The following SEPTIN2 variants were observed in gnomAD, a reference collection of about 807,000 sequenced individuals.
The protein encoded by SEPTIN2 is septin 2.
Under a neutral mutation model 46.5 loss-of-function variants are expected in SEPTIN2, and 34 were observed. The observed-to-expected ratio is 0.73, with a 90% CI of 0.56 to 0.97. SEPTIN2 has a LOEUF of 0.97. Among genes scored for constraint, SEPTIN2 ranks in the 50% least tolerant of loss-of-function variants. SEPTIN2 has a pLI of 0.00. For missense variants in SEPTIN2, 347 were observed against 448.4 expected (o/e 0.77, Z 2.04); for synonymous variants, 175 against 153.4 (o/e 1.14, Z -1.04).
At chr2:241,341,432 AAGCTCCATCTTTAT>A (rs2081249499) in intron 7 of SEPTIN2, among the ~76,000 whole-genome samples, 1 of 152,196 alleles carries the variant, frequency 6.6e-6, no homozygotes, top group African/African-American at 2.4e-5. Context: ...TCCAAAGTGT[AAGCTCCATCTTTAT>A]GAGGCCAGCA....
chr2:241,345,069 C>T (rs543993531), intron 9 of SEPTIN2, among the ~76,000 whole-genome samples: 2 of 151,842 alleles, frequency 1.3e-5, no homozygotes, highest in East Asian at 1.9e-4. Flanking sequence ...GCCGGGATTG[C>T]GCCACTGCAC....
intron 11 of SEPTIN2, among the ~76,000 whole-genome samples, chr2:241,349,052 A>G (rs1398861583): frequency 1.3e-5 from 2 of 152,188 alleles, no homozygotes; most frequent in Non-Finnish European, 2.9e-5. Flanking sequence ...GATAAGGATA[A>G]AGATGAATTA....
chr2:241,332,140 T>A (rs946647647), intron 3 of SEPTIN2, among the ~76,000 whole-genome samples: 4 of 149,674 alleles, frequency 2.7e-5, no homozygotes, highest in Non-Finnish European at 6.0e-5. Context: ...TATGACTTTG[T>A]AGTAAGCAGA....
chr2:241,334,481 G>A (rs924430358), intron 3 of SEPTIN2, among the ~76,000 whole-genome samples: 4 of 152,234 alleles, frequency 2.6e-5, no homozygotes, highest in African/African-American at 9.6e-5. Flanking sequence ...ACATGGATAT[G>A]TGTCACCTGA....
intron 9 of SEPTIN2, among the ~76,000 whole-genome samples, chr2:241,345,519 G>A (rs2081898264): frequency 6.6e-6 from 1 of 152,156 alleles, no homozygotes. Flanking sequence ...CATTTCCCTG[G>A]ATCCTGAATC....
chr2:241,347,419 G>C (rs1575393551), intron 10 of SEPTIN2, among the ~76,000 whole-genome samples: 1 of 152,346 alleles, frequency 6.6e-6, no homozygotes, highest in East Asian at 1.9e-4. Flanking sequence ...AAGCTGAGTA[G>C]GCGCTGGCCC....
At chr2:241,326,877 C>G (rs1186293068) in intron 3 of SEPTIN2, among the ~76,000 whole-genome samples, 3 of 152,006 alleles carry the variant, frequency 2.0e-5, no homozygotes, top group Admixed American at 6.6e-5. Context: ...AGTTGAAGAT[C>G]AGGCTGGGCA....
At chr2:241,331,877 CAG>C (rs2079064926) in intron 3 of SEPTIN2, among the ~76,000 whole-genome samples, 1 of 152,164 alleles carries the variant, frequency 6.6e-6, no homozygotes, top group African/African-American at 2.4e-5. Flanking sequence ...ATCTACTAAA[CAG>C]AGCAACAGCC....
chr2:241,320,244 A>G (rs560432958), intron 1 of SEPTIN2: 21 of 471,206 alleles, frequency 4.5e-5, no homozygotes, highest in South Asian at 2.5e-4. Context: ...GTCCAAGGTT[A>G]GATGGAGTTC....
intron 3 of SEPTIN2, among the ~76,000 whole-genome samples, chr2:241,333,377 A>T (rs531580180): frequency 6.6e-6 from 1 of 152,318 alleles, no homozygotes; most frequent in East Asian, 1.9e-4. Context: ...ACTTAATGGG[A>T]TAACAGGCAT....
At chr2:241,344,118 G>A (rs1412118060) in intron 9 of SEPTIN2, among the ~76,000 whole-genome samples, 2 of 152,148 alleles carry the variant, frequency 1.3e-5, no homozygotes, top group African/African-American at 4.8e-5. Context: ...GCTTCTGCCT[G>A]TGGCCTGTAG....
chr2:241,340,427 A>G (rs1336963179), intron 7 of SEPTIN2, among the ~76,000 whole-genome samples: 1 of 152,200 alleles, frequency 6.6e-6, no homozygotes, highest in Non-Finnish European at 1.5e-5. Flanking sequence ...TTTTTTCCAA[A>G]GCAATTTTTA....
intron 7 of SEPTIN2, among the ~76,000 whole-genome samples, chr2:241,339,390 A>G (rs1353462307): frequency 6.6e-6 from 1 of 151,928 alleles, no homozygotes. Context: ...AAAAAAAAGA[A>G]TTTCTGTAAT....
At chr2:241,332,190 G>T (rs2079106619) in intron 3 of SEPTIN2, among the ~76,000 whole-genome samples, 1 of 152,170 alleles carries the variant, frequency 6.6e-6, no homozygotes, top group African/African-American at 2.4e-5. Context: ...AAAAACAATT[G>T]TGCATTATTA....
At chr2:241,340,219 G>C (rs2081072301) in intron 7 of SEPTIN2, among the ~76,000 whole-genome samples, 1 of 152,304 alleles carries the variant, frequency 6.6e-6, no homozygotes, top group African/African-American at 2.4e-5. Flanking sequence ...TATCTCATTT[G>C]AATTTGCCTT....
chr2:241,336,866 T>A (rs1575284316), intron 5 of SEPTIN2: 1 of 169,428 alleles, frequency 5.9e-6, no homozygotes, highest in Admixed American at 6.5e-5. Context: ...GAGGCTGAGG[T>A]GGGCTGATCA....
chr2:241,334,441 C>T (rs754030655), intron 3 of SEPTIN2, among the ~76,000 whole-genome samples: 1 of 152,158 alleles, frequency 6.6e-6, no homozygotes, highest in Non-Finnish European at 1.5e-5. Flanking sequence ...CACAGTAGTT[C>T]AAGAGAGATT....
rs1019093172 is a variant in SEPTIN2, at chr2:241,343,241, A to G, written c.696+148A>G. 1.7e-5 allele frequency: 10 copies of G among 596,510 alleles called. No homozygotes were observed. In the African/African-American group the frequency reaches 1.7e-4, roughly 10 times the overall value. The allele number at this position is 596,510 out of a possible 1,614,324, so 37.0% of individuals were successfully genotyped here. The stretch of plus-strand genomic sequence containing the variant: ...AGACCTCATGCAGTGGCTCATGCCT[A>G]TAATCCCAGCACTTTGAGAGGCCAA... On this transcript the variant is annotated intron_variant, in intron 8 of 12. Transcript: ENST00000391971.
At chr2:241,340,114 AT>A (rs1407772728) in intron 7 of SEPTIN2, among the ~76,000 whole-genome samples, 8 of 152,314 alleles carry the variant, frequency 5.3e-5, no homozygotes, top group African/African-American at 1.9e-4. Context: ...GTTTGTAACA[AT>A]TTACATTTCC....
Sources: allele counts gnomAD v4.1 joint callset (sites outside exome capture counted in the v4.1 genomes callset), GRCh38; gene constraint gnomAD v4.1.1; transcripts MANE v1.5; gene names NCBI Gene and HGNC (gene_info 2026-07-23, HGNC 2026-07-21).